Variants in SLC23A2 observed in about 807,000 individuals in gnomAD.
The protein encoded by SLC23A2 is Na(+)/L-ascorbic acid transporter 2.
Under a neutral mutation model 73.3 loss-of-function variants are expected in SLC23A2, and 36 were observed. The ratio of observed to expected loss-of-function variants is 0.49; its 90% confidence interval spans 0.38 to 0.65. The LOEUF is 0.65. Ranked by LOEUF, SLC23A2 falls within the 30% of genes least tolerant of loss-of-function variation. The probability of loss-of-function intolerance (pLI) is 0.00; values close to 1 mark genes in which losing one functional copy is unlikely to be tolerated. For synonymous variants in SLC23A2, 343 were observed against 327.3 expected, an observed-to-expected ratio of 1.05 and a Z score of -0.52; for missense variants, 507 against 841.6, an observed-to-expected ratio of 0.60 and a Z score of 4.92.
intron 9 of SLC23A2, among the ~76,000 whole-genome samples, chr20:4,877,807 T>TA (rs1051143398): frequency 1.3e-5 from 2 of 152,116 alleles, no homozygotes; most frequent in African/African-American, 4.8e-5. Flanking sequence ...GAAAAGTCAA[T>TA]AAAAAAATAA....
chr20:4,997,034 G>A (rs2088035336), intron 1 of SLC23A2, among the ~76,000 whole-genome samples: 1 of 152,074 alleles, frequency 6.6e-6, no homozygotes, highest in African/African-American at 2.4e-5. Context: ...TTCTTTCTAG[G>A]TGCTAAGACC....
chr20:4,869,759 G>T, intron 12 of SLC23A2, 147 bp downstream of exon 12: 1 of 621,406 alleles, frequency 1.6e-6, no homozygotes, highest in Non-Finnish European at 2.8e-6. Flanking sequence ...AAACAAAGGT[G>T]GTGATGCATC....
Position 4,985,685 on chromosome 20 carries a change from T to C in SLC23A2, c.-281-14766A>G, listed in dbSNP as rs574592174. Among the ~76,000 whole-genome samples, 313 of 152,232 alleles carry C rather than the reference T, an allele frequency of 2.1e-3. 2 individuals carry two copies. The highest frequency in any genetic ancestry group is 7.1e-3 in the African/African-American group (294 of 41,554). On this transcript the variant is annotated intron_variant, in intron 1 of 16. Coordinates refer to ENST00000338244, the MANE Select transcript of SLC23A2 (RefSeq NM_005116.6). ...CTGGTCTTGAACTCCTGAGCTCAGG[T>C]GATCCCCCCACCTTGGCTTCCCAAA...
intron 1 of SLC23A2, among the ~76,000 whole-genome samples, chr20:4,986,647 C>T (rs1353523257): frequency 2.9e-5 from 2 of 68,546 alleles, no homozygotes; most frequent in African/African-American, 5.1e-5. Flanking sequence ...TACATACACA[C>T]ATACACACAC....
chr20:4,917,974 C>T (rs1176093238), intron 3 of SLC23A2, among the ~76,000 whole-genome samples: 1 of 152,036 alleles, frequency 6.6e-6, no homozygotes, highest in African/African-American at 2.4e-5. Flanking sequence ...ACTCTAATGG[C>T]CTATTTTTAA....
intron 2 of SLC23A2, among the ~76,000 whole-genome samples, chr20:4,958,998 G>C (rs1370259087): frequency 6.6e-6 from 1 of 151,596 alleles, no homozygotes; most frequent in Non-Finnish European, 1.5e-5. Flanking sequence ...ATCACCTGAG[G>C]TCAGGAGTTC....
Position 4,868,946 on chromosome 20 carries a change from G to C in SLC23A2, c.1250+960C>G, listed in dbSNP as rs1930313765. 6.6e-6 allele frequency: 1 copy of C among 152,160 alleles called. No homozygotes were observed. Among genetic ancestry groups the C allele is most frequent in the African/African-American group, 2.4e-5 (1 of 41,418 alleles). 9.4% of individuals were successfully genotyped at this position (152,160 alleles called of 1,614,324 possible). ...TTTATATAAACTGTAACTGTGCATA[G>C]ATTACACAGTGCTTACCCTTGGGGA... On this transcript the variant is annotated intron_variant, in intron 12 of 16. Transcript: ENST00000338244. The surrounding 1 kb of genome is among the most constrained non-coding windows in gnomAD (Gnocchi z 4.4).
chr20:5,009,416 T>C (rs1352525799), intron 1 of SLC23A2, among the ~76,000 whole-genome samples: 1 of 152,030 alleles, frequency 6.6e-6, no homozygotes, highest in East Asian at 1.9e-4. Context: ...CCACCCCGAG[T>C]CCCTAGGCTG....
intron 1 of SLC23A2, among the ~76,000 whole-genome samples, chr20:4,977,773 A>C (rs901742909): frequency 1.3e-5 from 2 of 151,982 alleles, no homozygotes; most frequent in Non-Finnish European, 2.9e-5. Context: ...TCCTGAGCTC[A>C]AGTGATCCTC....
intron 6 of SLC23A2, among the ~76,000 whole-genome samples, chr20:4,891,605 C>T (rs1358055540): frequency 1.3e-5 from 2 of 152,226 alleles, no homozygotes; most frequent in African/African-American, 2.4e-5. Flanking sequence ...ATCAGGTCTG[C>T]GTTGCTACAC....
chr20:4,922,842 A>G (rs200196092), intron 3 of SLC23A2, among the ~76,000 whole-genome samples: 1 of 125,432 alleles, frequency 8.0e-6, no homozygotes, highest in Non-Finnish European at 1.8e-5. Context: ...AAAAAAAAAA[A>G]GCACACACAC....
intron 2 of SLC23A2, among the ~76,000 whole-genome samples, chr20:4,942,354 G>A (rs2087055280): frequency 1.5e-5 from 2 of 135,418 alleles, no homozygotes; most frequent in Non-Finnish European, 3.1e-5. Flanking sequence ...CTTAAAGGAA[G>A]CAGGAAATCG....
chr20:4,858,033 T>A (rs1929804092), intron 16 of SLC23A2, among the ~76,000 whole-genome samples: 1 of 152,214 alleles, frequency 6.6e-6, no homozygotes. Flanking sequence ...AATGCAAATC[T>A]GAGTTTGCAA....
intron 11 of SLC23A2, 159 bp downstream of exon 11, chr20:4,873,777 G>T: frequency 1.6e-6 from 1 of 620,742 alleles, no homozygotes; most frequent in Non-Finnish European, 2.7e-6. Context: ...GCCCTCTGGG[G>T]ACAGGGCCTC....
chr20:4,914,756 A>C (rs1235831994), intron 3 of SLC23A2, among the ~76,000 whole-genome samples: 1 of 152,154 alleles, frequency 6.6e-6, no homozygotes, highest in East Asian at 1.9e-4. Flanking sequence ...AAAAATAATA[A>C]AGCACTGGAC....
intron 13 of SLC23A2, among the ~76,000 whole-genome samples, 168 bp downstream of exon 13, chr20:4,867,602 T>A (rs1252528576): frequency 7.1e-6 from 1 of 141,040 alleles, no homozygotes; most frequent in Admixed American, 7.4e-5. Context: ...AAGAGAGACT[T>A]CCAAACAGGC....
intron 3 of SLC23A2, among the ~76,000 whole-genome samples, chr20:4,918,063 TGC>T (rs1352952417): frequency 6.6e-4 from 101 of 152,314 alleles, no homozygotes; most frequent in African/African-American, 2.3e-3. Flanking sequence ...AGGATTAAAA[TGC>T]TGATGATAGT....
chr20:4,914,741 C>T (rs184752014), intron 3 of SLC23A2, among the ~76,000 whole-genome samples: 205 of 152,228 alleles, frequency 1.3e-3, no homozygotes, highest in African/African-American at 4.8e-3. Context: ...AGATAATCAG[C>T]CATTAAAAAT....
chr20:4,892,868 G>A (rs1309676391), intron 6 of SLC23A2, among the ~76,000 whole-genome samples: 1 of 152,082 alleles, frequency 6.6e-6, no homozygotes, highest in Non-Finnish European at 1.5e-5. Flanking sequence ...CCACACGAAG[G>A]AGACTGGTTT....
Sources: gnomAD v4.1 joint callset for allele counts (sites outside exome capture counted in the v4.1 genomes callset) on GRCh38, gnomAD v4.1.1 for gene constraint, Gnocchi (gnomAD v3.1) non-coding constraint, MANE v1.5 for transcripts, NCBI Gene and HGNC (gene_info 2026-07-23, HGNC 2026-07-21) for gene names.